Variants in NR3C1 observed in about 807,000 individuals in gnomAD.
The protein encoded by NR3C1 is nuclear receptor subfamily 3 group C member 1, also known as glucocorticoid receptor.
Under a neutral mutation model 74.0 loss-of-function variants are expected in NR3C1, and 14 were observed. The ratio of observed to expected loss-of-function variants is 0.19; its 90% CI spans 0.12 to 0.30. The LOEUF is 0.30. NR3C1 is among the 10% of genes least tolerant of loss of function. The pLI, the probability that NR3C1 is intolerant of heterozygous loss-of-function variation, is 1.00. For missense variants in NR3C1, 695 were observed against 909.8 expected (o/e 0.76, Z 3.04); for synonymous variants, 308 against 332.5 (o/e 0.93, Z 0.80).
At chr5:143,330,201 G>A (rs1825687946) in intron 2 of NR3C1, among the ~76,000 whole-genome samples, 1 of 152,086 alleles carries the variant, frequency 6.6e-6, no homozygotes, top group South Asian at 2.1e-4. Context: ...AAATAAAGAA[G>A]AAACATTTAA....
intron 2 of NR3C1, among the ~76,000 whole-genome samples, chr5:143,381,585 T>C (rs943964374): frequency 6.6e-6 from 1 of 152,038 alleles, no homozygotes; most frequent in African/African-American, 2.4e-5. Flanking sequence ...AGTTCTAGCA[T>C]AAAAACAGAT....
At position 143,291,835 on chromosome 5, in the gene NR3C1, G is replaced by A. The variant is rs73295696; in HGVS notation, c.2023+3625C>T. On this transcript the variant is annotated intron_variant, in intron 7 of 8. Transcript: ENST00000394464. ...ATTTTTAGAGTTTCCATCTCTCTGC[G>A]TACATCACTTCTTGCATGTTGTCTA... Among the ~76,000 whole-genome samples the A allele has an allele frequency of 2.5e-3, 378 of 152,130 alleles. 3 individuals are homozygous for A. Among genetic ancestry groups the A allele is most frequent in the African/African-American group, 8.9e-3 (369 of 41,500 alleles).
chr5:143,396,001 A>C (rs1212652655), intron 2 of NR3C1, among the ~76,000 whole-genome samples: 2 of 151,964 alleles, frequency 1.3e-5, no homozygotes, highest in East Asian at 3.8e-4. Context: ...TAAAATGTAT[A>C]AACATTAAAT....
intron 6 of NR3C1, 148 bp downstream of exon 6, chr5:143,298,520 C>T (rs754717499): frequency 8.8e-6 from 7 of 795,188 alleles, no homozygotes; most frequent in African/African-American, 1.7e-5. Context: ...CCCAAGCACT[C>T]ATAACTCTAT....
intron 2 of NR3C1, among the ~76,000 whole-genome samples, chr5:143,317,208 T>C (rs991079670): frequency 2.6e-5 from 4 of 152,150 alleles, no homozygotes; most frequent in African/African-American, 9.7e-5. Context: ...TTTGATATTG[T>C]TAAAAGGGCT....
upstream of NR3C1, chr5:143,404,230 G>T (rs747115750): frequency 2.3e-3 from 2,308 of 985,334 alleles, 2 homozygotes; most frequent in Non-Finnish European, 2.7e-3. Flanking sequence ...CGAGTTGCGT[G>T]AAGTGTGTCA....
intron 1 of NR3C1, among the ~76,000 whole-genome samples, chr5:143,425,388 A>G (rs1751476711): frequency 6.6e-6 from 1 of 152,194 alleles, no homozygotes; most frequent in Non-Finnish European, 1.5e-5. Context: ...ATTCTGCTTC[A>G]AAAGACGTTG....
chr5:143,416,947 A>AT (rs906194477), intron 1 of NR3C1, among the ~76,000 whole-genome samples: 4 of 151,804 alleles, frequency 2.6e-5, no homozygotes, highest in African/African-American at 4.8e-5. Context: ...TCAGGTTTCT[A>AT]TTTTTTTTAT....
At chr5:143,314,581 T>C (rs967271677) in intron 2 of NR3C1, among the ~76,000 whole-genome samples, 1 of 152,162 alleles carries the variant, frequency 6.6e-6, no homozygotes, top group African/African-American at 2.4e-5. Context: ...AGAGGATATT[T>C]CCATCATCCC....
chr5:143,314,248 T>C (rs768825284), intron 2 of NR3C1, 80 bp from the exon 3 acceptor site: 21 of 1,437,164 alleles, frequency 1.5e-5, no homozygotes, highest in Admixed American at 3.8e-5. Context: ...TCTCACTTCA[T>C]AGTCAGAATG....
intron 6 of NR3C1, among the ~76,000 whole-genome samples, chr5:143,298,049 G>A (rs1472119979): frequency 6.6e-6 from 1 of 152,156 alleles, no homozygotes; most frequent in South Asian, 2.1e-4. Context: ...GGGAGAAAAC[G>A]AGTGAGGAAA....
At chr5:143,375,553 A>G (rs962708670) in intron 2 of NR3C1, 1 of 152,254 alleles carries the variant, frequency 6.6e-6, no homozygotes, top group Non-Finnish European at 1.5e-5. Context: ...GTATGTACGC[A>G]TATCACACAC....
At chr5:143,395,262 G>A (rs372852967) in intron 2 of NR3C1, among the ~76,000 whole-genome samples, 3 of 151,908 alleles carry the variant, frequency 2.0e-5, no homozygotes, top group Non-Finnish European at 3.0e-5. Context: ...CAAAACCCAA[G>A]TATTAATAGA....
intron 2 of NR3C1, among the ~76,000 whole-genome samples, chr5:143,372,472 G>T (rs906411919): frequency 6.6e-6 from 1 of 152,130 alleles, no homozygotes; most frequent in African/African-American, 2.4e-5. Context: ...TGGGATGGGT[G>T]GGAAGCATAA....
intron 2 of NR3C1, among the ~76,000 whole-genome samples, chr5:143,380,047 T>C (rs551829890): frequency 1.3e-5 from 2 of 152,272 alleles, no homozygotes; most frequent in Admixed American, 1.3e-4. Flanking sequence ...CAAATCTAAG[T>C]GGGAAGGCAC....
upstream of NR3C1, among the ~76,000 whole-genome samples, chr5:143,404,911 C>G (rs897404621): frequency 1.3e-5 from 2 of 152,204 alleles, no homozygotes; most frequent in Admixed American, 6.5e-5. Context: ...CATAGGACCC[C>G]TGCCCCTACA....
intron 2 of NR3C1, among the ~76,000 whole-genome samples, chr5:143,329,428 C>T (rs1223220870): frequency 6.6e-6 from 1 of 152,156 alleles, no homozygotes; most frequent in Admixed American, 6.5e-5. Context: ...AAGTAGGTAT[C>T]TCTAATCCCA....
At chr5:143,413,704 A>G (rs1359940337) in intron 1 of NR3C1, among the ~76,000 whole-genome samples, 1 of 152,144 alleles carries the variant, frequency 6.6e-6, no homozygotes, top group East Asian at 1.9e-4. Flanking sequence ...GAGGGGTTTC[A>G]CTGGTCTAGT....
At chr5:143,392,209 C>T (rs1454108527) in intron 2 of NR3C1, among the ~76,000 whole-genome samples, 1 of 152,168 alleles carries the variant, frequency 6.6e-6, no homozygotes, top group Non-Finnish European at 1.5e-5. Flanking sequence ...TCATGATCTG[C>T]CCGCCTCGGC....
Sources: gnomAD v4.1 joint callset for allele counts (sites outside exome capture counted in the v4.1 genomes callset) on GRCh38, gnomAD v4.1.1 for gene constraint, MANE v1.5 for transcripts, NCBI Gene and HGNC (gene_info 2026-07-23, HGNC 2026-07-21) for gene names.